NHSL3: variants seen among roughly 807,000 people sequenced by gnomAD.
NHSL3 encodes the protein NHS like 3.
At chr1:32,744,946 T>C in the NHSL3 span, among the ~76,000 whole-genome samples, 1 of 151,398 alleles carries the variant, frequency 6.6e-6, no homozygotes, top group Non-Finnish European at 1.5e-5. Context: ...GGCAACACGG[T>C]GAAACCCCGT....
chr1:32,766,037 G>A, the NHSL3 span, among the ~76,000 whole-genome samples: 1 of 152,116 alleles, frequency 6.6e-6, no homozygotes, highest in African/African-American at 2.4e-5. Context: ...TTGGGAGGAT[G>A]GATCCAGGTG....
the NHSL3 span, among the ~76,000 whole-genome samples, chr1:32,765,306 C>CT: frequency 6.6e-6 from 1 of 152,324 alleles, no homozygotes; most frequent in Middle Eastern, 3.4e-3. Flanking sequence ...GCTCCGAGCT[C>CT]TTTCCCCAGG....
At chr1:32,771,373 T>TCCCCCCC in the NHSL3 span, 1 of 1,301,314 alleles carries the variant, frequency 7.7e-7, no homozygotes. Context: ...ACCCCCACCT[T>TCCCCCCC]CCCCACCCCC....
chr1:32,767,710 GC>G, the NHSL3 span: 1 of 1,312,784 alleles, frequency 7.6e-7, no homozygotes, highest in Non-Finnish European at 1.1e-6. Context: ...GACCATGACT[GC>G]CCTTGCCGTG....
At chr1:32,741,944 C>A in the NHSL3 span, 1 of 861,342 alleles carries the variant, frequency 1.2e-6, no homozygotes, top group Non-Finnish European at 1.4e-6. This position sits in a 1 kb window ranked among gnomAD's most constrained non-coding sequence, Gnocchi z 4.3. Context: ...CCCGCTCCGC[C>A]CCCGCCTGCC....
At chr1:32,765,660 G>A in the NHSL3 span, 1 of 1,533,026 alleles carries the variant, frequency 6.5e-7, no homozygotes, top group Non-Finnish European at 8.7e-7. Flanking sequence ...CTGCGGCGGG[G>A]CGGGAGGGCT....
At chr1:32,772,296 C>CCCCTA in the NHSL3 span, 1 of 1,541,680 alleles carries the variant, frequency 6.5e-7, no homozygotes, top group Non-Finnish European at 9.0e-7. Context: ...CCGCCTCCCC[C>CCCCTA]AGTTACCCTC....
chr1:32,772,488 A>G, the NHSL3 span: 1 of 1,505,052 alleles, frequency 6.6e-7, no homozygotes, highest in South Asian at 1.4e-5. Context: ...GATGATGGGA[A>G]GTAGGAATCT....
the NHSL3 span, among the ~76,000 whole-genome samples, chr1:32,745,136 A>G: frequency 1.6e-5 from 2 of 121,964 alleles, no homozygotes; most frequent in African/African-American, 5.2e-5. Flanking sequence ...AAAAAAAAGA[A>G]AAAAAAAAGA....
chr1:32,753,868 G>A, the NHSL3 span, among the ~76,000 whole-genome samples: 1 of 152,174 alleles, frequency 6.6e-6, no homozygotes, highest in East Asian at 1.9e-4. Context: ...CAGGTCCCGG[G>A]AGGGGCGGAG....
chr1:32,771,679 GACC>G, the NHSL3 span: 2 of 1,611,626 alleles, frequency 1.2e-6, no homozygotes, highest in Non-Finnish European at 1.7e-6. Context: ...GGGTAGCCCA[GACC>G]CTCCTCCAGC....
the NHSL3 span, chr1:32,773,153 A>G: frequency 3.7e-6 from 2 of 538,512 alleles, no homozygotes; most frequent in Non-Finnish European, 6.7e-6. Context: ...TGAAGTGGGT[A>G]GCTGGCGGGA....
the NHSL3 span, among the ~76,000 whole-genome samples, chr1:32,772,652 C>T: frequency 1.3e-5 from 2 of 152,198 alleles, no homozygotes; most frequent in African/African-American, 2.4e-5. Context: ...TTGCCTCTTT[C>T]CCTACCCTTC....
chr1:32,749,038 G>A, the NHSL3 span, among the ~76,000 whole-genome samples: 4 of 152,302 alleles, frequency 2.6e-5, no homozygotes, highest in Admixed American at 6.5e-5. Flanking sequence ...TGGGCCTCAT[G>A]AACCTCACGA....
At chr1:32,771,623 C>A in the NHSL3 span, 5 of 1,612,974 alleles carry the variant, frequency 3.1e-6, no homozygotes, top group Non-Finnish European at 8.5e-7. Context: ...GTCAGCTCCC[C>A]GGCTGCTTCG....
the NHSL3 span, among the ~76,000 whole-genome samples, chr1:32,752,832 G>A: frequency 4.0e-5 from 6 of 148,968 alleles, no homozygotes; most frequent in Admixed American, 4.0e-4. Flanking sequence ...GCCCGCCTTG[G>A]CCTCCCAAAA....
At chr1:32,748,935 G>A in the NHSL3 span, among the ~76,000 whole-genome samples, 1 of 152,144 alleles carries the variant, frequency 6.6e-6, no homozygotes, top group East Asian at 1.9e-4. Flanking sequence ...GGGTCCAGAC[G>A]GGAGAGGGAG....
chr1:32,754,017 C>G, the NHSL3 span: 3 of 518,062 alleles, frequency 5.8e-6, no homozygotes, highest in Non-Finnish European at 1.0e-5. Context: ...CTGCCTCCCT[C>G]CCGGGGCTGC....
the NHSL3 span, chr1:32,771,193 C>T: frequency 1.2e-6 from 2 of 1,611,624 alleles, no homozygotes; most frequent in East Asian, 4.5e-5. Flanking sequence ...CCCCTTCTCC[C>T]CACCTCCCTC....
Sources: allele counts gnomAD v4.1 joint callset (sites outside exome capture counted in the v4.1 genomes callset), GRCh38; gene constraint gnomAD v4.1.1; non-coding constraint Gnocchi (gnomAD v3.1); transcripts MANE v1.5; gene names NCBI Gene and HGNC (gene_info 2026-07-23, HGNC 2026-07-21).